RAB10: variants seen among roughly 807,000 people sequenced by gnomAD.
RAB10 encodes ras-related protein Rab-10.
Under a neutral mutation model 25.7 loss-of-function variants are expected in RAB10, and 5 were observed. The observed-to-expected ratio is 0.19, with a 90% CI of 0.10 to 0.41. The LOEUF (loss-of-function observed/expected upper bound fraction) is 0.41. Ranked by LOEUF, RAB10 falls within the 10% of genes least tolerant of loss-of-function variation. RAB10 has a pLI of 1.00. For synonymous variants in RAB10, 89 were observed against 86.4 expected, an observed-to-expected ratio of 1.03 and a Z score of -0.16; for missense variants, 103 against 245.8, an observed-to-expected ratio of 0.42 and a Z score of 3.89.
intron 1 of RAB10, among the ~76,000 whole-genome samples, chr2:26,038,481 C>CCACT (rs1665813783): frequency 6.6e-6 from 1 of 152,068 alleles, no homozygotes; most frequent in South Asian, 2.1e-4. Flanking sequence ...CAGGCATGAG[C>CCACT]CACTGCGCCC....
intron 1 of RAB10, among the ~76,000 whole-genome samples, chr2:26,042,956 C>T (rs926601618): frequency 6.6e-6 from 1 of 151,994 alleles, no homozygotes; most frequent in African/African-American, 2.4e-5. Context: ...CAACAAACGA[C>T]AAAAGCAAGT....
At chr2:26,068,341 G>T (rs2149269505) in intron 1 of RAB10, among the ~76,000 whole-genome samples, 1 of 152,264 alleles carries the variant, frequency 6.6e-6, no homozygotes, top group South Asian at 2.1e-4. Context: ...TTCCATGGAA[G>T]GTTTGAGCAG....
At chr2:26,107,813 A>G (rs145415542) in intron 2 of RAB10, among the ~76,000 whole-genome samples, 1 of 152,144 alleles carries the variant, frequency 6.6e-6, no homozygotes, top group Non-Finnish European at 1.5e-5. Context: ...AAAACCCCAA[A>G]AACAAAAAAC....
chr2:26,131,440 A>G (rs1426240696), intron 5 of RAB10, among the ~76,000 whole-genome samples: 1 of 152,172 alleles, frequency 6.6e-6, no homozygotes, highest in African/African-American at 2.4e-5. Context: ...ATACACATCC[A>G]TACACTTAGA....
intron 1 of RAB10, among the ~76,000 whole-genome samples, chr2:26,060,584 G>C (rs774032444): frequency 1.3e-5 from 2 of 152,094 alleles, no homozygotes; most frequent in Non-Finnish European, 2.9e-5. Context: ...CAACGTGCCC[G>C]GCCTGTTCTC....
At chr2:26,038,868 T>G (rs1665823186) in intron 1 of RAB10, among the ~76,000 whole-genome samples, 1 of 142,082 alleles carries the variant, frequency 7.0e-6, no homozygotes, top group South Asian at 2.2e-4. Context: ...GAGCTTGCAG[T>G]GAGCCGAGGT....
chr2:26,086,390 AAAAC>A (rs1284285202), intron 1 of RAB10, among the ~76,000 whole-genome samples: 1 of 152,256 alleles, frequency 6.6e-6, no homozygotes, highest in Non-Finnish European at 1.5e-5. Flanking sequence ...ATGCACATAA[AAAAC>A]CACAATGAGG....
At chr2:26,059,763 A>AGGGGT (rs1666357189) in intron 1 of RAB10, among the ~76,000 whole-genome samples, 4 of 152,202 alleles carry the variant, frequency 2.6e-5, no homozygotes, top group Non-Finnish European at 5.9e-5. Context: ...GGGGGAGGGA[A>AGGGGT]GGGGTGAAGG....
chr2:26,088,280 A>G (rs771296626), intron 1 of RAB10, among the ~76,000 whole-genome samples: 1 of 152,200 alleles, frequency 6.6e-6, no homozygotes, highest in Non-Finnish European at 1.5e-5. Flanking sequence ...TCATTAAGGC[A>G]GATATGGTGG....
intron 1 of RAB10, among the ~76,000 whole-genome samples, chr2:26,056,034 A>T (rs1206838359): frequency 6.6e-6 from 1 of 151,942 alleles, no homozygotes; most frequent in Non-Finnish European, 1.5e-5. Flanking sequence ...AGCTGGGATG[A>T]CAGGCACACA....
At chr2:26,121,021 C>T (rs948768919) in intron 3 of RAB10, among the ~76,000 whole-genome samples, 4 of 152,118 alleles carry the variant, frequency 2.6e-5, no homozygotes, top group African/African-American at 9.7e-5. Flanking sequence ...AAGTGATTGT[C>T]CTGCCTCAGC....
In RAB10 at chr2:26,078,132, A is replaced by G. The variant is rs550278669; in HGVS notation, c.128-20530A>G. On this transcript the variant is annotated intron_variant, in intron 1 of 5. Transcript: ENST00000264710. ...TAGGAATAGATTTAACACAAGAAGT[A>G]TAAGACTTAATGAAAACTAGAAAGC... Among the ~76,000 whole-genome samples, 4 of 152,348 alleles carry G rather than the reference A, an allele frequency of 2.6e-5. No individual in the cohort carries two copies. In the South Asian group the frequency reaches 8.3e-4, roughly 32 times the overall value.
intron 1 of RAB10, among the ~76,000 whole-genome samples, chr2:26,050,087 GT>G (rs112206812): frequency 1.3e-5 from 2 of 152,104 alleles, no homozygotes; most frequent in African/African-American, 4.8e-5. Context: ...GCGATACCCT[GT>G]TTTTTTGCAA....
At chr2:26,058,386 G>A (rs1468367749) in intron 1 of RAB10, among the ~76,000 whole-genome samples, 1 of 152,054 alleles carries the variant, frequency 6.6e-6, no homozygotes, top group African/African-American at 2.4e-5. Context: ...GAAAGAACAT[G>A]TAAGGCTCCG....
At chr2:26,094,771 C>T (rs1013538570) in intron 1 of RAB10, among the ~76,000 whole-genome samples, 1 of 152,062 alleles carries the variant, frequency 6.6e-6, no homozygotes, top group African/African-American at 2.4e-5. Flanking sequence ...ATTGGCCAGG[C>T]TAGTCTTGAA....
At chr2:26,072,184 C>G (rs896418131) in intron 1 of RAB10, among the ~76,000 whole-genome samples, 3 of 151,892 alleles carry the variant, frequency 2.0e-5, no homozygotes, top group African/African-American at 4.8e-5. Context: ...TTTGGGAGGC[C>G]GAGGCGGCTG....
At chr2:26,074,511 TGC>T (rs1666692152) in intron 1 of RAB10, among the ~76,000 whole-genome samples, 2 of 152,188 alleles carry the variant, frequency 1.3e-5, no homozygotes, top group African/African-American at 4.8e-5. Context: ...CTCTGCCTTC[TGC>T]GTTCAAGCAG....
chr2:26,045,835 G>A (rs1665990625), intron 1 of RAB10, among the ~76,000 whole-genome samples: 1 of 152,012 alleles, frequency 6.6e-6, no homozygotes, highest in African/African-American at 2.4e-5. Context: ...AGCCTCTAAA[G>A]CCACCAAGGC....
intron 1 of RAB10, among the ~76,000 whole-genome samples, chr2:26,063,831 T>C (rs1475870065): frequency 1.3e-5 from 2 of 152,210 alleles, no homozygotes; most frequent in African/African-American, 2.4e-5. Context: ...AGAGTCTCAC[T>C]CTGTCGCCCA....
Sources: allele counts gnomAD v4.1 joint callset (sites outside exome capture counted in the v4.1 genomes callset), GRCh38; gene constraint gnomAD v4.1.1; transcripts MANE v1.5; gene names NCBI Gene and HGNC (gene_info 2026-07-23, HGNC 2026-07-21).